FBXL18: variants seen among roughly 807,000 people sequenced by gnomAD.
FBXL18 encodes the protein F-box/LRR-repeat protein 18.
In FBXL18, 36 loss-of-function variants were observed where a neutral mutation model predicts 46.0. The ratio of observed to expected loss-of-function variants is 0.78; its 90% CI spans 0.60 to 1.03. FBXL18 has a LOEUF of 1.03. Ranked by LOEUF, FBXL18 falls within the 50% of genes least tolerant of loss-of-function variation. The pLI is 0.00. For synonymous variants in FBXL18, 557 were observed against 465.3 expected, an observed-to-expected ratio of 1.20 and a Z score of -2.54; for missense variants, 977 against 1,004.1, an observed-to-expected ratio of 0.97 and a Z score of 0.36.
intron 4 of FBXL18, among the ~76,000 whole-genome samples, chr7:5,470,338 C>T (rs959342970): frequency 1.8e-4 from 27 of 152,222 alleles, no homozygotes; most frequent in African/African-American, 5.8e-4. Flanking sequence ...CTACCCCTCA[C>T]ACATCCACCC....
At position 5,500,740 on chromosome 7, in the gene FBXL18, A is replaced by AGCGAGTT; in HGVS notation, c.1522_1528dup (p.Leu510GlnfsTer194). 1 of 1,612,392 alleles carries AGCGAGTT rather than the reference A, an allele frequency of 6.2e-7. No individual in the cohort carries two copies. Among genetic ancestry groups the AGCGAGTT allele is most frequent in the Non-Finnish European group, 8.5e-7 (1 of 1,179,686 alleles). On this transcript the variant is annotated frameshift_variant, in exon 3 of 5. Transcript: ENST00000382368. LOFTEE classifies it high-confidence loss of function. ...ACTCTGTGCGCGGCTGCAGGGTGGGAGCGAGTTGCGGATGGCGGGCTCGTT... is the reference window on the plus strand; with the variant it reads ...ACTCTGTGCGCGGCTGCAGGGTGGGAGCGAGTTGCGAGTTGCGGATGGCGGGCTCGTT...
At chr7:5,467,969 T>C (rs1005716696) in intron 4 of FBXL18, among the ~76,000 whole-genome samples, 5 of 151,864 alleles carry the variant, frequency 3.3e-5, no homozygotes, top group African/African-American at 9.7e-5. Flanking sequence ...AATCCAATGA[T>C]TGCAGCCTCG....
chr7:5,490,718 A>C (rs1783899266), intron 4 of FBXL18, among the ~76,000 whole-genome samples: 1 of 152,206 alleles, frequency 6.6e-6, no homozygotes, highest in African/African-American at 2.4e-5. Context: ...TAATCCCAGC[A>C]CTTTGGGAGG....
At chr7:5,486,782 C>G (rs903350102) in intron 4 of FBXL18, among the ~76,000 whole-genome samples, 2 of 152,180 alleles carry the variant, frequency 1.3e-5, no homozygotes, top group African/African-American at 4.8e-5. Flanking sequence ...AACAGGTCAC[C>G]GGCGACAGGT....
Position 5,501,376 on chromosome 7 carries a change from G to C in FBXL18, c.893C>G (p.Pro298Arg). ...GGAAGAGCCGTTCAGCCAGGACTTGGGCAGCTGCAGGGCATCCAGCACGAC... is the reference window on the plus strand; with the variant it reads ...GGAAGAGCCGTTCAGCCAGGACTTGCGCAGCTGCAGGGCATCCAGCACGAC... ...RNVVLDALQL[P>R]KSWLNGSSLL... The change falls in exon 3 of 5, where the codon CCC becomes CGC. Residue 298 changes from proline (P) to arginine (R), a missense_variant. Transcript: ENST00000382368. 1 of 1,614,052 alleles carries C rather than the reference G, an allele frequency of 6.2e-7. No homozygotes were observed. Among genetic ancestry groups the C allele is most frequent in the Non-Finnish European group, 8.5e-7 (1 of 1,180,024 alleles).
chr7:5,466,488 C>T (rs915153686), intron 4 of FBXL18, among the ~76,000 whole-genome samples: 2 of 152,142 alleles, frequency 1.3e-5, no homozygotes, highest in African/African-American at 4.8e-5. Flanking sequence ...AGAGGTCCTC[C>T]CTCCAGCAAC....
At chr7:5,454,535 A>C (rs1783146323) in intron 4 of FBXL18, among the ~76,000 whole-genome samples, 1 of 152,118 alleles carries the variant, frequency 6.6e-6, no homozygotes, top group African/African-American at 2.4e-5. Flanking sequence ...TCCACTCCAG[A>C]GGCCACTGGA....
chr7:5,464,915 T>C (rs1783320529), intron 4 of FBXL18, among the ~76,000 whole-genome samples: 1 of 150,902 alleles, frequency 6.6e-6, no homozygotes, highest in Non-Finnish European at 1.5e-5. Context: ...ATATAAAAAT[T>C]AGCCGGTTGT....
At position 5,501,819 on chromosome 7, in the gene FBXL18, G is replaced by A. The variant is rs1784271705; in HGVS notation, c.450C>T (p.Ala150=). 6.3e-7 allele frequency: 1 copy of A among 1,585,474 alleles called. No individual in the cohort carries two copies. Among genetic ancestry groups the A allele is most frequent in the African/African-American group, 1.3e-5 (1 of 74,620 alleles). The change falls in exon 3 of 5, where the codon GCC becomes GCT. Residue 150 remains alanine, a synonymous_variant. Coordinates refer to ENST00000382368, the MANE Select transcript of FBXL18 (RefSeq NM_024963.6). The stretch of plus-strand genomic sequence containing the variant: ...CGTCGAAGCCGGGGCTCACGTCGAT[G>A]GCCAGCGAGCGCAGGTGCTGCAGGG... ...LSALQHLRSL[A]IDVSPGFDAS...
chr7:5,463,609 A>G (rs1468100718), intron 4 of FBXL18, among the ~76,000 whole-genome samples: 1 of 149,746 alleles, frequency 6.7e-6, no homozygotes, highest in African/African-American at 2.5e-5. Context: ...ACAGGGTGAG[A>G]CCCTGTGTCA....
chr7:5,491,200 C>G, intron 4 of FBXL18, 31 bp downstream of exon 4: 2 of 1,580,714 alleles, frequency 1.3e-6, no homozygotes, highest in Non-Finnish European at 1.7e-6. Context: ...TTCTGCGGCC[C>G]CTGAAGCTGT....
At chr7:5,488,274 G>A (rs570973028) in intron 4 of FBXL18, among the ~76,000 whole-genome samples, 1 of 152,354 alleles carries the variant, frequency 6.6e-6, no homozygotes, top group Non-Finnish European at 1.5e-5. Context: ...GAGGAGAGCA[G>A]CTCAGAGCAG....
At chr7:5,459,875 C>T (rs1211332642) in intron 4 of FBXL18, among the ~76,000 whole-genome samples, 2 of 151,700 alleles carry the variant, frequency 1.3e-5, no homozygotes, top group Non-Finnish European at 2.9e-5. Context: ...ATCACGCTGT[C>T]GTACTCCAGC....
intron 3 of FBXL18, among the ~76,000 whole-genome samples, chr7:5,497,385 G>C (rs889520122): frequency 1.3e-5 from 2 of 152,112 alleles, no homozygotes; most frequent in Non-Finnish European, 2.9e-5. Context: ...GCAGTGGCTC[G>C]AGCTGAGAAT....
intron 4 of FBXL18, among the ~76,000 whole-genome samples, chr7:5,486,528 C>T (rs899876291): frequency 7.9e-5 from 12 of 151,904 alleles, no homozygotes; most frequent in South Asian, 2.1e-4. Flanking sequence ...TGGCGTGCAC[C>T]TGTAGTCCCA....
chr7:5,466,928 A>C (rs1584185807), intron 4 of FBXL18, among the ~76,000 whole-genome samples: 1 of 152,110 alleles, frequency 6.6e-6, no homozygotes, highest in South Asian at 2.1e-4. Context: ...AATTTACATC[A>C]ATTTAAATGT....
chr7:5,491,675 G>T (rs906838617), intron 3 of FBXL18, among the ~76,000 whole-genome samples: 3 of 152,156 alleles, frequency 2.0e-5, no homozygotes, highest in Admixed American at 6.5e-5. Flanking sequence ...TGGGCCTGAT[G>T]CAAGCAGCCA....
At chr7:5,505,815 C>T (rs1334395717) in intron 1 of FBXL18, among the ~76,000 whole-genome samples, 185 bp from the exon 2 acceptor site, 1 of 152,180 alleles carries the variant, frequency 6.6e-6, no homozygotes, top group African/African-American at 2.4e-5. Flanking sequence ...GAGCTGTAAG[C>T]CAGGGTCTCC....
chr7:5,505,246 GC>G (rs1324097297), intron 2 of FBXL18, among the ~76,000 whole-genome samples, 165 bp downstream of exon 2: 2 of 151,972 alleles, frequency 1.3e-5, no homozygotes, highest in African/African-American at 4.8e-5. Flanking sequence ...ATGCTTTTCT[GC>G]CCCTTGCTTC....
Sources: allele counts gnomAD v4.1 joint callset (sites outside exome capture counted in the v4.1 genomes callset), GRCh38; gene constraint gnomAD v4.1.1; transcripts MANE v1.5; gene names NCBI Gene and HGNC (gene_info 2026-07-23, HGNC 2026-07-21).